The following HS6ST3 variants were observed in gnomAD, a reference collection of about 807,000 sequenced individuals.
HS6ST3 encodes the protein heparan sulfate 6-O-sulfotransferase 3, also known as heparan-sulfate 6-O-sulfotransferase 3.
A neutral mutation model predicts 36.7 loss-of-function variants in HS6ST3; 12 were observed. That is an observed-to-expected ratio of 0.33 (90% CI 0.21 to 0.53). The LOEUF (loss-of-function observed/expected upper bound fraction) is 0.53. Ranked by LOEUF, HS6ST3 falls within the 20% of genes least tolerant of loss-of-function variation. The pLI, the probability that HS6ST3 is intolerant of heterozygous loss-of-function variation, is 0.95. For missense variants in HS6ST3, 584 were observed against 640.9 expected (o/e 0.91, Z 0.96); for synonymous variants, 240 against 257.5 (o/e 0.93, Z 0.65).
chr13:96,807,733 G>T (rs965417439), intron 1 of HS6ST3, among the ~76,000 whole-genome samples: 13 of 152,108 alleles, frequency 8.5e-5, no homozygotes, highest in Non-Finnish European at 1.9e-4. Context: ...GGGCGTGGTG[G>T]TGGACGCCTG....
chr13:96,326,712 T>A lies in HS6ST3; in HGVS notation c.707+235143T>A, dbSNP rs1231063681. 4.6e-5 allele frequency among the ~76,000 whole-genome samples: 7 copies of A among 152,120 alleles called. No individual in the cohort carries two copies. The South Asian group carries it at 1.2e-3, about 27-fold the overall frequency. On this transcript the variant is annotated intron_variant, in intron 1 of 1. Coordinates refer to ENST00000376705, the MANE Select transcript of HS6ST3 (RefSeq NM_153456.4). ...TTTACCCAGTAATGGGATGGCTGGG[T>A]CAAATGGTATTTCTAGTTCTAGATC...
intron 1 of HS6ST3, among the ~76,000 whole-genome samples, chr13:96,610,828 A>G (rs2056454603): frequency 6.6e-6 from 1 of 151,532 alleles, no homozygotes; most frequent in South Asian, 2.1e-4. Context: ...TCCCCAGAGA[A>G]GTTTGTAGCT....
chr13:96,720,578 A>G (rs1875818428), intron 1 of HS6ST3, among the ~76,000 whole-genome samples: 1 of 152,168 alleles, frequency 6.6e-6, no homozygotes. Flanking sequence ...GAGCCAGCAT[A>G]TCTGGTTAGC....
chr13:96,488,568 A>G (rs1292014068), intron 1 of HS6ST3, among the ~76,000 whole-genome samples: 1 of 152,034 alleles, frequency 6.6e-6, no homozygotes, highest in Admixed American at 6.6e-5. Context: ...TATGTTTTCA[A>G]AAGCTGAGCT....
At chr13:96,187,309 A>G (rs954826696) in intron 1 of HS6ST3, among the ~76,000 whole-genome samples, 8 of 152,232 alleles carry the variant, frequency 5.3e-5, no homozygotes, top group African/African-American at 1.9e-4. Context: ...AAGCTGATCA[A>G]ATAATTAACA....
chr13:96,283,380 G>T (rs1187116700), intron 1 of HS6ST3, among the ~76,000 whole-genome samples: 1 of 152,160 alleles, frequency 6.6e-6, no homozygotes, highest in Non-Finnish European at 1.5e-5. Context: ...TGCTAATGAG[G>T]TTGTTTCCTC....
chr13:96,591,329 A>G (rs1456250560), intron 1 of HS6ST3, among the ~76,000 whole-genome samples: 2 of 151,994 alleles, frequency 1.3e-5, no homozygotes, highest in South Asian at 2.1e-4. Flanking sequence ...CAATCTATGA[A>G]CATGGAATAT....
At chr13:96,437,864 T>C (rs2055650857) in intron 1 of HS6ST3, among the ~76,000 whole-genome samples, 1 of 152,224 alleles carries the variant, frequency 6.6e-6, no homozygotes, top group Non-Finnish European at 1.5e-5. Context: ...GGGGATACTC[T>C]TCATGTTAAA....
intron 1 of HS6ST3, among the ~76,000 whole-genome samples, chr13:96,355,409 A>G (rs2055205482): frequency 6.6e-6 from 1 of 151,084 alleles, no homozygotes; most frequent in South Asian, 2.1e-4. Flanking sequence ...ACACAAACAC[A>G]CAAACACACA....
chr13:96,417,982 A>G (rs2055543308), intron 1 of HS6ST3, among the ~76,000 whole-genome samples: 1 of 152,070 alleles, frequency 6.6e-6, no homozygotes, highest in Non-Finnish European at 1.5e-5. Context: ...TTTAATATGT[A>G]TTGTCAATTC....
chr13:96,437,582 C>T (rs1471619166), intron 1 of HS6ST3, among the ~76,000 whole-genome samples: 3 of 152,224 alleles, frequency 2.0e-5, no homozygotes, highest in Non-Finnish European at 4.4e-5. Context: ...ATGACTTATT[C>T]TTCATGATGA....
chr13:96,635,212 C>G (rs1020433365), intron 1 of HS6ST3, among the ~76,000 whole-genome samples: 1 of 151,934 alleles, frequency 6.6e-6, no homozygotes, highest in Non-Finnish European at 1.5e-5. Context: ...AGATATGAGT[C>G]TGTTTCCCTT....
At chr13:96,613,764 C>T (rs148017200) in intron 1 of HS6ST3, among the ~76,000 whole-genome samples, 3 of 152,166 alleles carry the variant, frequency 2.0e-5, no homozygotes, top group African/African-American at 7.2e-5. Context: ...TACTTGACTG[C>T]TTTCTTATGG....
intron 1 of HS6ST3, among the ~76,000 whole-genome samples, chr13:96,537,018 T>G (rs1347812208): frequency 6.6e-6 from 1 of 152,166 alleles, no homozygotes; most frequent in African/African-American, 2.4e-5. Flanking sequence ...CTCTGGTAGT[T>G]AGAATAAAGC....
intron 1 of HS6ST3, among the ~76,000 whole-genome samples, chr13:96,317,655 C>T (rs547967694): frequency 8.0e-5 from 12 of 150,484 alleles, no homozygotes; most frequent in Admixed American, 1.3e-4. Context: ...CTACGGTGGC[C>T]GAACTAATTT....
chr13:96,822,323 C>T lies in HS6ST3; in HGVS notation c.708-10167C>T, dbSNP rs553301643. On this transcript the variant is annotated intron_variant, in intron 1 of 1. Transcript: ENST00000376705. Reference sequence around the variant, plus strand: ...AGCGCAAAGCAGGGCGCCTCTGAACCAAATAATCACGGAAGTCCCTGAATA... The same window carrying T: ...AGCGCAAAGCAGGGCGCCTCTGAACTAAATAATCACGGAAGTCCCTGAATA... 2.0e-5 allele frequency among the ~76,000 whole-genome samples: 3 copies of T among 152,298 alleles called. No homozygotes were observed. The South Asian group carries it at 6.2e-4, about 32-fold the overall frequency.
chr13:96,653,853 A>G (rs975151759), intron 1 of HS6ST3, among the ~76,000 whole-genome samples: 12 of 151,962 alleles, frequency 7.9e-5, no homozygotes, highest in Admixed American at 5.3e-4. Flanking sequence ...TATTTCTCCA[A>G]TCCTCTCAAG....
At chr13:96,139,446 G>A (rs1372420895) in intron 1 of HS6ST3, among the ~76,000 whole-genome samples, 2 of 148,064 alleles carry the variant, frequency 1.4e-5, no homozygotes, top group African/African-American at 2.5e-5. Flanking sequence ...GAGTGTAAGC[G>A]GGTAAAAAAT....
chr13:96,489,455 T>A (rs961794721), intron 1 of HS6ST3, among the ~76,000 whole-genome samples: 17 of 152,064 alleles, frequency 1.1e-4, no homozygotes, highest in Non-Finnish European at 4.4e-5. Context: ...TTTCTATTTT[T>A]GACTGCCAAC....
Sources: allele counts gnomAD v4.1 joint callset (sites outside exome capture counted in the v4.1 genomes callset), GRCh38; gene constraint gnomAD v4.1.1; transcripts MANE v1.5; gene names NCBI Gene and HGNC (gene_info 2026-07-23, HGNC 2026-07-21).